The following ZNF487 variants were observed in gnomAD, a reference collection of about 807,000 sequenced individuals.
ZNF487 encodes KRAB domain only 1.
A neutral mutation model predicts 3.0 loss-of-function variants in ZNF487; 4 were observed. The ratio of observed to expected loss-of-function variants is 1.35; its 90% confidence interval spans 0.66 to 3.08. The LOEUF is 3.08. Ranked by LOEUF, ZNF487 falls within the 30% of genes most tolerant of loss-of-function variation. The pLI is 0.01. For synonymous variants in ZNF487, 55 were observed against 34.6 expected, an observed-to-expected ratio of 1.59 and a Z score of -2.06; for missense variants, 146 against 98.7, an observed-to-expected ratio of 1.48 and a Z score of -2.03.
chr10:43,468,981 T>A (rs1840806249), intron 1 of ZNF487, among the ~76,000 whole-genome samples: 2 of 86,908 alleles, frequency 2.3e-5, no homozygotes, highest in Non-Finnish European at 3.9e-5. Context: ...AGAGTGAGAC[T>A]CTATCTCAAA....
chr10:43,463,993 G>A (rs959645534), intron 1 of ZNF487, among the ~76,000 whole-genome samples: 2 of 151,760 alleles, frequency 1.3e-5, no homozygotes, highest in African/African-American at 2.4e-5. Flanking sequence ...AATTAGGGTA[G>A]GTAACTACCC....
the ZNF487 span, among the ~76,000 whole-genome samples, chr10:43,522,296 C>A: frequency 6.6e-6 from 1 of 152,046 alleles, no homozygotes; most frequent in Non-Finnish European, 1.5e-5. Context: ...GTGGGCAGAT[C>A]ACTTGAAATC....
chr10:43,518,125 C>A, the ZNF487 span, among the ~76,000 whole-genome samples: 1 of 152,114 alleles, frequency 6.6e-6, no homozygotes, highest in Non-Finnish European at 1.5e-5. Flanking sequence ...CTCACAGATA[C>A]CCAGAATAAA....
chr10:43,445,637 C>CTTT (rs372625933), intron 1 of ZNF487, among the ~76,000 whole-genome samples: 1 of 135,052 alleles, frequency 7.4e-6, no homozygotes, highest in Non-Finnish European at 1.7e-5. Context: ...ATGACATTTT[C>CTTT]TTTTTTTTTT....
intron 1 of ZNF487, among the ~76,000 whole-genome samples, chr10:43,457,798 G>A (rs1589032957): frequency 2.6e-5 from 4 of 152,064 alleles, no homozygotes; most frequent in East Asian, 1.9e-4. Flanking sequence ...CGAGGCGGGC[G>A]GATCACGAGG....
chr10:43,442,270 A>AC (rs35992450), intron 1 of ZNF487, among the ~76,000 whole-genome samples: 83 of 148,728 alleles, frequency 5.6e-4, no homozygotes, highest in Admixed American at 1.9e-3. Context: ...AACAACAACA[A>AC]AAAAAAAACA....
At chr10:43,497,076 T>A in the ZNF487 span, among the ~76,000 whole-genome samples, 2 of 152,246 alleles carry the variant, frequency 1.3e-5, no homozygotes, top group African/African-American at 4.8e-5. Flanking sequence ...TTTACAAAAA[T>A]CTAATTCTTG....
intron 1 of ZNF487, chr10:43,452,633 T>A (rs1409308199): frequency 6.6e-6 from 1 of 152,202 alleles, no homozygotes; most frequent in Non-Finnish European, 1.5e-5. Context: ...AATGCTGGGG[T>A]TACAGGCATG....
At chr10:43,491,060 A>G in the ZNF487 span, among the ~76,000 whole-genome samples, 1 of 143,984 alleles carries the variant, frequency 6.9e-6, no homozygotes, top group East Asian at 2.1e-4. Context: ...TCTGCCTCGC[A>G]GGTTCAAGCG....
intron 3 of ZNF487, among the ~76,000 whole-genome samples, chr10:43,479,984 C>CTTTTCTTTCTTTCT (rs1564428763): frequency 1.7e-5 from 1 of 57,816 alleles, no homozygotes; most frequent in African/African-American, 4.1e-5. Context: ...TCTTTCTTTC[C>CTTTTCTTTCTTTCT]TTCTTTCTTT....
At chr10:43,479,389 C>G (rs974594929) in intron 3 of ZNF487, among the ~76,000 whole-genome samples, 1 of 152,006 alleles carries the variant, frequency 6.6e-6, no homozygotes, top group African/African-American at 2.4e-5. Context: ...AAGTTTGAAA[C>G]ATTTTGGTAT....
chr10:43,458,001 A>T (rs1279264588), intron 1 of ZNF487: 2 of 152,188 alleles, frequency 1.3e-5, no homozygotes, highest in African/African-American at 4.8e-5. Context: ...CAGCCTGGGT[A>T]ACAGAGCGAG....
At chr10:43,473,896 A>G (rs542746257) in intron 1 of ZNF487, among the ~76,000 whole-genome samples, 1 of 152,056 alleles carries the variant, frequency 6.6e-6, no homozygotes, top group African/African-American at 2.4e-5. Flanking sequence ...GCAGTGACTT[A>G]TTCCTGTAAT....
At chr10:43,518,599 C>G in the ZNF487 span, among the ~76,000 whole-genome samples, 2 of 152,128 alleles carry the variant, frequency 1.3e-5, no homozygotes, top group Non-Finnish European at 2.9e-5. Context: ...TCTTGAAGTG[C>G]TTATCCACCT....
chr10:43,478,136 T>C (rs1369923120), intron 3 of ZNF487, among the ~76,000 whole-genome samples: 2 of 151,746 alleles, frequency 1.3e-5, no homozygotes, highest in Non-Finnish European at 2.9e-5. Context: ...CCAAGTTATA[T>C]AGGCTCAGTG....
At chr10:43,498,088 TATATATATATA>T in the ZNF487 span, among the ~76,000 whole-genome samples, 4 of 15,726 alleles carry the variant, frequency 2.5e-4, no homozygotes, top group East Asian at 3.1e-3. Flanking sequence ...TATATATATA[TATATATATATA>T]TTTTTTTTTT....
At chr10:43,463,605 G>A (rs966976950) in intron 1 of ZNF487, among the ~76,000 whole-genome samples, 1 of 149,638 alleles carries the variant, frequency 6.7e-6, no homozygotes, top group Admixed American at 6.7e-5. Flanking sequence ...GGTTGGTCTT[G>A]AACTCCTGGC....
the ZNF487 span, among the ~76,000 whole-genome samples, chr10:43,496,424 C>T: frequency 6.6e-6 from 1 of 152,138 alleles, no homozygotes; most frequent in Non-Finnish European, 1.5e-5. Context: ...TAAGTCATTT[C>T]TCATTCACAG....
chr10:43,486,523 TCTC>T (rs1841473380), downstream of ZNF487, among the ~76,000 whole-genome samples: 1 of 149,274 alleles, frequency 6.7e-6, no homozygotes. Flanking sequence ...TGAAACTCCT[TCTC>T]AAAAAAAAAA....
Sources: gnomAD v4.1 joint callset for allele counts (sites outside exome capture counted in the v4.1 genomes callset) on GRCh38, gnomAD v4.1.1 for gene constraint, MANE v1.5 for transcripts, NCBI Gene and HGNC (gene_info 2026-07-23, HGNC 2026-07-21) for gene names.